Variants in PSMD13 observed in about 807,000 individuals in gnomAD.
The protein encoded by PSMD13 is 26S proteasome non-ATPase regulatory subunit 13.
In PSMD13, 8 loss-of-function variants were observed where a neutral mutation model predicts 57.4. The ratio of observed to expected loss-of-function variants is 0.14; its 90% CI spans 0.08 to 0.25. The LOEUF is 0.25. Ranked by LOEUF, PSMD13 falls within the 10% of genes least tolerant of loss-of-function variation. The pLI, the probability that PSMD13 is intolerant of heterozygous loss-of-function variation, is 1.00. For synonymous variants in PSMD13, 193 were observed against 168.2 expected, an observed-to-expected ratio of 1.15 and a Z score of -1.14; for missense variants, 400 against 461.5, an observed-to-expected ratio of 0.87 and a Z score of 1.22.
chr11:243,263 T>G (rs1859555917), intron 2 of PSMD13: 1 of 453,990 alleles, frequency 2.2e-6, no homozygotes, highest in African/African-American at 2.0e-5. Flanking sequence ...GCTGCCATTT[T>G]CCTGTTTGAG....
At chr11:249,411 G>C (rs1859724991) in intron 9 of PSMD13, among the ~76,000 whole-genome samples, 1 of 152,038 alleles carries the variant, frequency 6.6e-6, no homozygotes, top group African/African-American at 2.4e-5. Context: ...ACTCAGCGGA[G>C]AAAACGGAAA....
intron 6 of PSMD13, among the ~76,000 whole-genome samples, chr11:246,419 T>G (rs188375063): frequency 6.6e-6 from 1 of 152,278 alleles, no homozygotes; most frequent in Non-Finnish European, 1.5e-5. Context: ...GCGAATTGCT[T>G]CAGCCTGCAA....
Position 251,684 on chromosome 11 carries a change from G to C in PSMD13, c.918+58G>C. ...CAAAGCTGCCACATGGAGGAGTCAA[G>C]GCTCTTGTGTGAGCGCTGTGCTCCC... On this transcript the variant is annotated intron_variant, in intron 11 of 12. Coordinates refer to ENST00000532097, the MANE Select transcript of PSMD13 (RefSeq NM_002817.4). The surrounding 1 kb of genome is among the most constrained non-coding windows in gnomAD (Gnocchi z 4.6). 6.4e-7 allele frequency: 1 copy of C among 1,565,392 alleles called. No homozygotes were observed. The highest frequency in any genetic ancestry group is 8.8e-7 in the Non-Finnish European group (1 of 1,138,754).
rs1364919739 is a variant in PSMD13 at position 237,290 on chromosome 11, G to A, written c.95+146G>A. On this transcript the variant is annotated intron_variant, in intron 1 of 12. Coordinates refer to ENST00000532097, the MANE Select transcript of PSMD13 (RefSeq NM_002817.4). The stretch of plus-strand genomic sequence containing the variant: ...GGGACGTGTAGCGACCGGCTGTGCC[G>A]GCAAGGTTTGCTGAGGAACCTTGAG... 10 of 744,216 alleles carry A rather than the reference G, an allele frequency of 1.3e-5. No individual in the cohort carries two copies. In the Admixed American group the frequency reaches 2.1e-4, roughly 15 times the overall value. 46.1% of individuals were successfully genotyped at this position (744,216 alleles called of 1,614,324 possible). A position where few individuals can be genotyped will look rare whatever the true frequency, so the allele number is the denominator to read the frequency against.
rs1278539416 is a variant in PSMD13, at chr11:247,290, A to T, written c.410A>T (p.Asp137Val). The T allele has an allele frequency of 2.5e-6, 4 of 1,612,104 alleles. No individual in the cohort carries two copies. In the Admixed American group the frequency reaches 5.0e-5, roughly 20 times the overall value. ...TCCTGTGTATAGGAAACAATTGAAG[A>T]TGTTGAAGAAATGCTCAACAACCTT... ...DLQVTKETIE[D>V]VEEMLNNLPG... The change falls in exon 7 of 13, where the codon GAT (aspartate) becomes GTT (valine). Residue 137 changes from aspartate (D) to valine (V), a missense_variant. Physicochemically the swap from Asp to Val is radical, Grantham distance 152 (BLOSUM62 -3). Coordinates refer to ENST00000532097, the MANE Select transcript of PSMD13 (RefSeq NM_002817.4).
At chr11:239,477 A>C (rs1485938351) in intron 2 of PSMD13, among the ~76,000 whole-genome samples, 1 of 152,180 alleles carries the variant, frequency 6.6e-6, no homozygotes, top group African/African-American at 2.4e-5. Flanking sequence ...TAGAGGGTGG[A>C]GTAAGGTATG....
chr11:244,697 T>C lies in PSMD13; in HGVS notation c.332T>C (p.Val111Ala). Residue 111 changes from valine (V) to alanine (A), a missense_variant, in exon 6 of 13, where the codon GTG (valine) becomes GCG (alanine). Val to Ala is a moderately conservative substitution (Grantham distance 64). Transcript: ENST00000532097. ...TAGGTGAAAAGTAGTGATGAGGCAG[T>C]GATCCTGTGTAAAACAGCAATTGGA... The part of the protein sequence containing the change: ...REKVKSSDEA[V>A]ILCKTAIGAL... 1 of 1,613,730 alleles carries C rather than the reference T, an allele frequency of 6.2e-7. No individual in the cohort carries two copies. The highest frequency in any genetic ancestry group is 8.5e-7 in the Non-Finnish European group (1 of 1,179,886).
Position 248,872 on chromosome 11 carries a change from C to T in PSMD13, c.648+17C>T, listed in dbSNP as rs1037938309. On this transcript the variant is annotated intron_variant, in intron 8 of 12. Transcript: ENST00000532097. Reference sequence around the variant, plus strand: ...GGAGAACTCGTAAGTTGACCCTGAGCTCAGCTTCCTTAACGAGAGAGACTA... The same window carrying T: ...GGAGAACTCGTAAGTTGACCCTGAGTTCAGCTTCCTTAACGAGAGAGACTA... 6.2e-7 allele frequency: 1 copy of T among 1,614,036 alleles called. No individual in the cohort carries two copies. Among genetic ancestry groups the T allele is most frequent in the African/African-American group, 1.3e-5 (1 of 74,910 alleles).
Position 252,126 on chromosome 11 carries a change from G to T in PSMD13, c.1035+190G>T. On this transcript the variant is annotated intron_variant, in intron 12 of 12. Coordinates refer to ENST00000532097, the MANE Select transcript of PSMD13 (RefSeq NM_002817.4). This position sits in a 1 kb window ranked among gnomAD's most constrained non-coding sequence, Gnocchi z 4.1. The stretch of plus-strand genomic sequence containing the variant: ...AATGCAAGCCTAGGGTTTGAACCCT[G>T]CATTTAAAAGCTTATGATGACAATG... 1 of 569,478 alleles carries T rather than the reference G, an allele frequency of 1.8e-6. No homozygotes were observed. 35.3% of individuals were successfully genotyped at this position (569,478 alleles called of 1,614,324 possible). A position where few individuals can be genotyped will look rare whatever the true frequency, so the allele number is the denominator to read the frequency against.
At chr11:246,970 G>A (rs1859660631) in intron 6 of PSMD13, among the ~76,000 whole-genome samples, 1 of 152,148 alleles carries the variant, frequency 6.6e-6, no homozygotes, top group Non-Finnish European at 1.5e-5. Context: ...TTGTTTCCCA[G>A]TCTGTAGCTT....
At chr11:243,234 G>A in intron 2 of PSMD13, 1 of 543,190 alleles carries the variant, frequency 1.8e-6, no homozygotes, top group Admixed American at 2.2e-5. Flanking sequence ...TAACGTGGTG[G>A]GAAATGTACA....
In PSMD13 at chr11:250,700, T is replaced by A. The variant is rs971404887; in HGVS notation, c.775-103T>A. The stretch of plus-strand genomic sequence containing the variant: ...GAAATGTTTGGATCTGCTTAGCTGG[T>A]TTTTGTTGGGTCTACTGTTATAGAA... On this transcript the variant is annotated intron_variant, in intron 9 of 12. Coordinates refer to ENST00000532097, the MANE Select transcript of PSMD13 (RefSeq NM_002817.4). The A allele has an allele frequency of 1.2e-5, 12 of 1,027,372 alleles. No individual in the cohort carries two copies. The Admixed American group carries it at 2.1e-4, about 18-fold the overall frequency. 63.6% of individuals were successfully genotyped at this position (1,027,372 alleles called of 1,614,324 possible).
chr11:252,296 C>A lies in PSMD13; in HGVS notation c.1036-209C>A. ...GATTTCCTCTGTCCTTGTCTGCTTTCTTTCATGCAAGTTTTTTCTAACGTT... is the reference window on the plus strand; with the variant it reads ...GATTTCCTCTGTCCTTGTCTGCTTTATTTCATGCAAGTTTTTTCTAACGTT... On this transcript the variant is annotated intron_variant, in intron 12 of 12. Coordinates refer to ENST00000532097, the MANE Select transcript of PSMD13 (RefSeq NM_002817.4). The surrounding 1 kb of genome is among the most constrained non-coding windows in gnomAD (Gnocchi z 4.1). 1 of 558,908 alleles carries A rather than the reference C, an allele frequency of 1.8e-6. No homozygotes were observed. Among genetic ancestry groups the A allele is most frequent in the Admixed American group, 3.1e-5 (1 of 32,682 alleles). The allele number at this position is 558,908 out of a possible 1,614,324, so 34.6% of individuals were successfully genotyped here.
chr11:244,061 T>C lies in PSMD13; in HGVS notation c.195T>C (p.Ser65=), dbSNP rs772247153. 1.2e-5 allele frequency: 19 copies of C among 1,608,900 alleles called. No homozygotes were observed. The highest frequency in any genetic ancestry group is 1.6e-5 in the Non-Finnish European group (19 of 1,177,236). ...CACAGCTTTATGAAAACTTTATCAG[T>C]GAATTTGAACACAGGTAAAAGCCTC... is the stretch of plus-strand genomic sequence containing the variant. ...GLIKLYENFI[S]EFEHRVNPLS... is the part of the protein sequence containing the mutation. The change falls in exon 3 of 13, where the codon AGT becomes AGC. Residue 65 remains serine, a synonymous_variant. Transcript: ENST00000532097.
At chr11:245,571 T>A (rs1379541830) in intron 6 of PSMD13, among the ~76,000 whole-genome samples, 1 of 151,744 alleles carries the variant, frequency 6.6e-6, no homozygotes, top group East Asian at 1.9e-4. Context: ...TTTGGTGCAG[T>A]TGGGAGACAG....
At chr11:250,514 C>T (rs1207047860) in intron 9 of PSMD13, among the ~76,000 whole-genome samples, 2 of 152,332 alleles carry the variant, frequency 1.3e-5, no homozygotes, top group Non-Finnish European at 1.5e-5. Context: ...TGCCCGTACC[C>T]TGTGGCCCTG....
In PSMD13 at chr11:248,940, C is replaced by T. The variant is rs770535507; in HGVS notation, c.657C>T (p.His219=). Residue 219 remains histidine, a synonymous_variant, in exon 9 of 13, where the codon CAC becomes CAT. Coordinates refer to ENST00000532097, the MANE Select transcript of PSMD13 (RefSeq NM_002817.4). ...GVFNFGELLM[H]PVLESLRNTD... ...CATCTCCATCCTCACAGCTCATGCA[C>T]CCTGTGCTGGAGTCCCTGAGGAATA... is the stretch of plus-strand genomic sequence containing the variant. 7.4e-6 allele frequency: 12 copies of T among 1,614,058 alleles called. No individual in the cohort carries two copies. The highest frequency in any genetic ancestry group is 6.7e-5 in the African/African-American group (5 of 74,912).
rs147375021 is a variant in PSMD13 at position 247,387 on chromosome 11, C to T, written c.507C>T (p.His169=). The part of the protein sequence containing the change: ...SSKYYQTIGN[H]ASYYKDALRF... ...AATACTATCAAACAATCGGAAACCA[C>T]GCGTCCTACTACAAAGATGCTCTGC... The change falls in exon 7 of 13, where the codon CAC becomes CAT. Residue 169 remains histidine (H), a synonymous_variant. Coordinates refer to ENST00000532097, the MANE Select transcript of PSMD13 (RefSeq NM_002817.4). The T allele has an allele frequency of 3.5e-4, 567 of 1,613,086 alleles. No homozygotes were observed. Among genetic ancestry groups the T allele is most frequent in the African/African-American group, 6.1e-4 (46 of 75,008 alleles).
intron 6 of PSMD13, 149 bp downstream of exon 6, chr11:244,910 A>AC: frequency 1.9e-6 from 1 of 521,796 alleles, no homozygotes; most frequent in Non-Finnish European, 3.3e-6. Context: ...GAACTACTAT[A>AC]CCCCAACCTA....
Sources: gnomAD v4.1 joint callset for allele counts (sites outside exome capture counted in the v4.1 genomes callset) on GRCh38, gnomAD v4.1.1 for gene constraint, Gnocchi (gnomAD v3.1) non-coding constraint, MANE v1.5 for transcripts, NCBI Gene and HGNC (gene_info 2026-07-23, HGNC 2026-07-21) for gene names.